Variants in FRMD4B observed in about 807,000 individuals in gnomAD.
FRMD4B encodes the protein FERM domain-containing protein 4B.
FRMD4B carries 74 observed loss-of-function variants against 141.5 expected under a neutral mutation model. The observed-to-expected ratio is 0.52, with a 90% CI of 0.43 to 0.63. The LOEUF (loss-of-function observed/expected upper bound fraction) is 0.63. Among genes scored for constraint, FRMD4B ranks in the 30% least tolerant of loss-of-function variants. FRMD4B has a pLI of 0.00. For missense variants in FRMD4B, 1,366 were observed against 1,253.4 expected, an observed-to-expected ratio of 1.09 and a Z score of -1.36; for synonymous variants, 506 against 467.9, an observed-to-expected ratio of 1.08 and a Z score of -1.05.
At chr3:69,292,739 A>T (rs1359781754) in intron 4 of FRMD4B, among the ~76,000 whole-genome samples, 1 of 151,826 alleles carries the variant, frequency 6.6e-6, no homozygotes, top group Non-Finnish European at 1.5e-5. Context: ...ACAAACCATG[A>T]ACTGAAAACA....
chr3:69,333,617 CAG>C (rs376448342), intron 1 of FRMD4B, among the ~76,000 whole-genome samples: 24 of 152,292 alleles, frequency 1.6e-4, no homozygotes, highest in African/African-American at 2.6e-4. Flanking sequence ...ACTTTAATAA[CAG>C]GGGACAATTG....
intron 1 of FRMD4B, among the ~76,000 whole-genome samples, chr3:69,350,240 C>A (rs149639302): frequency 0.044 from 6,738 of 152,224 alleles, 217 homozygotes; most frequent in Middle Eastern, 0.11. Context: ...TCATCACTGG[C>A]CATCAGAGAA....
At chr3:69,271,990 A>G (rs912761127) in intron 5 of FRMD4B, among the ~76,000 whole-genome samples, 1 of 152,114 alleles carries the variant, frequency 6.6e-6, no homozygotes, top group African/African-American at 2.4e-5. Flanking sequence ...AATAAAAAAT[A>G]AAATAAAATA....
intron 1 of FRMD4B, among the ~76,000 whole-genome samples, chr3:69,500,349 G>A (rs914408052): frequency 4.6e-5 from 7 of 152,258 alleles, no homozygotes; most frequent in East Asian, 1.9e-4. Context: ...GAAGATGCGC[G>A]GAGGATCCCT....
At position 69,408,231 on chromosome 3, in the gene FRMD4B, A is replaced by G. The variant is rs189864623; in HGVS notation, c.-1+24403T>C. On this transcript the variant is annotated intron_variant, in intron 2 of 5. Coordinates refer to the FRMD4B transcript ENST00000459638. Reference sequence around the variant, plus strand: ...ATTTGTTTCTAGAAAGGAATTTAGGAGCAAACCTGAAAACTCCCTTCTGAA... The same window carrying G: ...ATTTGTTTCTAGAAAGGAATTTAGGGGCAAACCTGAAAACTCCCTTCTGAA... Among the ~76,000 whole-genome samples, 381 of 152,328 alleles carry G rather than the reference A, an allele frequency of 2.5e-3. 1 individual carries two copies. The highest frequency in any genetic ancestry group is 8.9e-3 in the African/African-American group (368 of 41,580).
At chr3:69,297,145 G>C (rs887837890) in intron 4 of FRMD4B, among the ~76,000 whole-genome samples, 3 of 152,082 alleles carry the variant, frequency 2.0e-5, no homozygotes, top group Admixed American at 1.3e-4. Context: ...AAAAAATTCT[G>C]GTGGAATGAC....
At chr3:69,323,010 G>A in intron 1 of FRMD4B, 1 of 976,670 alleles carries the variant, frequency 1.0e-6, no homozygotes, top group Non-Finnish European at 1.2e-6. Flanking sequence ...TAGGACTCCT[G>A]TACATCTCTT....
rs762417131 is a variant in FRMD4B, at chr3:69,181,166, C to T, written c.2584G>A (p.Val862Ile). Residue 862 changes from valine to isoleucine, a missense_variant, in exon 21 of 23, where the codon GTC (valine) becomes ATC (isoleucine). Transcript: ENST00000398540. ...TATGGGTTATGGGGTACCCGGTCGA[C>T]CTCATCTTCGTGAAAGGATCTGCTG... ...DYSRSFHEDEVDRVPHNPYAT... is the reference protein window; with the variant it reads ...DYSRSFHEDEIDRVPHNPYAT... 3 of 1,614,000 alleles carry T rather than the reference C, an allele frequency of 1.9e-6. No individual in the cohort carries two copies. The highest frequency in any genetic ancestry group is 2.5e-6 in the Non-Finnish European group (3 of 1,179,896).
At chr3:69,386,305 G>T, upstream of FRMD4B, 1 of 250,554 alleles carries the variant, frequency 4.0e-6, no homozygotes, top group Non-Finnish European at 7.6e-6. Flanking sequence ...GGGAAGCCCT[G>T]GCCGGCGAGG....
intron 17 of FRMD4B, 47 bp from the exon 18 acceptor site, chr3:69,189,999 A>C (rs1218540863): frequency 1.9e-6 from 2 of 1,060,456 alleles, no homozygotes; most frequent in South Asian, 1.3e-5. Context: ...CATTTATACA[A>C]TTAGAGGGGT....
intron 22 of FRMD4B, among the ~76,000 whole-genome samples, chr3:69,174,549 A>G (rs1190581855): frequency 1.3e-5 from 2 of 152,186 alleles, no homozygotes; most frequent in Non-Finnish European, 2.9e-5. Context: ...CCATGAGCTC[A>G]TATATGCACA....
intron 1 of FRMD4B, among the ~76,000 whole-genome samples, chr3:69,365,161 A>G (rs982804772): frequency 1.3e-5 from 2 of 152,242 alleles, no homozygotes; most frequent in Non-Finnish European, 2.9e-5. Flanking sequence ...TAACTATACA[A>G]GGAAATTCCA....
At chr3:69,503,787 CAGTT>C (rs1243986777) in intron 1 of FRMD4B, among the ~76,000 whole-genome samples, 2 of 152,154 alleles carry the variant, frequency 1.3e-5, no homozygotes, top group South Asian at 2.1e-4. Context: ...ACCAGCTAAA[CAGTT>C]AGTATTTGTT....
At chr3:69,327,156 T>C (rs749680218) in intron 1 of FRMD4B, among the ~76,000 whole-genome samples, 2 of 152,068 alleles carry the variant, frequency 1.3e-5, no homozygotes, top group Non-Finnish European at 2.9e-5. Flanking sequence ...TTGGCTTCAG[T>C]GAGTATGCAA....
At chr3:69,225,849 G>A (rs1468512662) in intron 7 of FRMD4B, among the ~76,000 whole-genome samples, 1 of 151,968 alleles carries the variant, frequency 6.6e-6, no homozygotes, top group Non-Finnish European at 1.5e-5. Flanking sequence ...GCCTATTAGA[G>A]GGTAGCTACT....
rs201892325 is a variant in FRMD4B at position 69,287,766 on chromosome 3, C to A, written c.487G>T (p.Ala163Ser). 107 of 1,588,256 alleles carry A rather than the reference C, an allele frequency of 6.7e-5. No homozygotes were observed. In the African/African-American group the frequency reaches 1.2e-3, roughly 17 times the overall value. Residue 163 changes from alanine (A) to serine (S), a missense_variant, in exon 5 of 23, where the codon GCC (alanine) becomes TCC (serine). Transcript: ENST00000398540. ...TVELFFLNAK[A>S]CVHKGQIEVE... ...GGGGCACCTACCTTGTGCACACAGG[C>A]CTTTGCATTCAGGAAAAACAGCTCC...
chr3:69,311,161 C>A, intron 3 of FRMD4B, 102 bp downstream of exon 3: 1 of 583,796 alleles, frequency 1.7e-6, no homozygotes. Context: ...AGGACATGTT[C>A]TGAATGCTGG....
At chr3:69,422,382 GA>G (rs374932228) in intron 2 of FRMD4B, among the ~76,000 whole-genome samples, 161 of 122,808 alleles carry the variant, frequency 1.3e-3, no homozygotes, top group Middle Eastern at 4.5e-3. Flanking sequence ...GCGAGACTCT[GA>G]AAAAAAAAAA....
At chr3:69,361,545 C>T (rs1404480503) in intron 1 of FRMD4B, among the ~76,000 whole-genome samples, 1 of 152,150 alleles carries the variant, frequency 6.6e-6, no homozygotes, top group Non-Finnish European at 1.5e-5. Context: ...AGATTTCTAT[C>T]ACAATAGATT....
Sources: gnomAD v4.1 joint callset for allele counts (sites outside exome capture counted in the v4.1 genomes callset) on GRCh38, gnomAD v4.1.1 for gene constraint, MANE v1.5 for transcripts, NCBI Gene and HGNC (gene_info 2026-07-23, HGNC 2026-07-21) for gene names.